Variants in FAF1 observed in about 807,000 individuals in gnomAD.
The protein encoded by FAF1 is Fas associated factor 1, also known as FAS-associated factor 1.
Under a neutral mutation model 92.5 loss-of-function variants are expected in FAF1, and 25 were observed. The ratio of observed to expected loss-of-function variants is 0.27; its 90% CI spans 0.20 to 0.38. The LOEUF (loss-of-function observed/expected upper bound fraction) is 0.38. FAF1 is among the 10% of genes least tolerant of loss of function. The pLI, the probability that FAF1 is intolerant of heterozygous loss-of-function variation, is 1.00. For synonymous variants in FAF1, 234 were observed against 273.2 expected (o/e 0.86, Z 1.42); for missense variants, 636 against 793.3 (o/e 0.80, Z 2.38).
intron 1 of FAF1, among the ~76,000 whole-genome samples, chr1:50,887,096 A>C (rs935067647): frequency 3.1e-4 from 47 of 152,190 alleles, no homozygotes; most frequent in Admixed American, 1.6e-3. Context: ...ATGGTATCTG[A>C]TTGTGGTTTT....
At chr1:50,931,245 A>C (rs868775285) in intron 1 of FAF1, among the ~76,000 whole-genome samples, 1 of 152,072 alleles carries the variant, frequency 6.6e-6, no homozygotes, top group Non-Finnish European at 1.5e-5. Flanking sequence ...TTTTGTTTTC[A>C]ATCTGTTCCA....
intron 4 of FAF1, among the ~76,000 whole-genome samples, chr1:50,752,115 G>A (rs1041296430): frequency 5.9e-5 from 9 of 151,982 alleles, no homozygotes; most frequent in Admixed American, 1.3e-4. Context: ...GACTACAGGC[G>A]CGTGCCACCA....
chr1:50,931,648 ACGAGATCAG>A (rs931928041), intron 1 of FAF1, among the ~76,000 whole-genome samples: 48 of 152,210 alleles, frequency 3.2e-4, no homozygotes, highest in African/African-American at 1.1e-3. Context: ...CGGGTGGATC[ACGAGATCAG>A]CAGGTTGAGA....
chr1:50,953,464 G>C (rs1431430303), intron 1 of FAF1, among the ~76,000 whole-genome samples: 1 of 151,962 alleles, frequency 6.6e-6, no homozygotes, highest in Non-Finnish European at 1.5e-5. Context: ...GCCAGACGCA[G>C]TGGCTCACAG....
intron 15 of FAF1, among the ~76,000 whole-genome samples, chr1:50,525,756 T>C (rs567906695): frequency 1.3e-5 from 2 of 152,312 alleles, no homozygotes; most frequent in South Asian, 2.1e-4. Flanking sequence ...GTTTTTATGA[T>C]GAAAGGGTGT....
chr1:50,753,009 G>A (rs929801409), intron 4 of FAF1, among the ~76,000 whole-genome samples: 18 of 152,018 alleles, frequency 1.2e-4, no homozygotes, highest in Non-Finnish European at 1.6e-4. Context: ...AGGTCTTAAC[G>A]GCTTCATTAA....
chr1:50,650,069 G>A (rs1332313629), intron 8 of FAF1, among the ~76,000 whole-genome samples: 1 of 151,772 alleles, frequency 6.6e-6, no homozygotes, highest in Non-Finnish European at 1.5e-5. Flanking sequence ...CGGATCACCT[G>A]AGGTCGGGAG....
At chr1:50,849,671 G>A (rs991027230) in intron 2 of FAF1, among the ~76,000 whole-genome samples, 3 of 152,026 alleles carry the variant, frequency 2.0e-5, no homozygotes, top group Non-Finnish European at 4.4e-5. Flanking sequence ...AGACTATATA[G>A]ACTACTAACC....
intron 4 of FAF1, among the ~76,000 whole-genome samples, chr1:50,760,690 A>G (rs375960999): frequency 1.1e-4 from 17 of 152,292 alleles, no homozygotes; most frequent in Admixed American, 9.2e-4. Context: ...TCAAAGCAGT[A>G]TGTAGAGGGA....
intron 8 of FAF1, among the ~76,000 whole-genome samples, chr1:50,631,044 C>A (rs1653762622): frequency 1.3e-5 from 2 of 151,988 alleles, no homozygotes; most frequent in East Asian, 1.9e-4. Context: ...CCCACCTCGG[C>A]CTCCCAAAGT....
intron 2 of FAF1, among the ~76,000 whole-genome samples, chr1:50,839,276 T>C (rs1030542976): frequency 2.1e-4 from 32 of 152,162 alleles, no homozygotes; most frequent in Non-Finnish European, 8.8e-5. Flanking sequence ...TGCATTTGGT[T>C]GCATTAGTTT....
chr1:50,767,902 T>C (rs1660638860), intron 4 of FAF1, among the ~76,000 whole-genome samples: 1 of 152,156 alleles, frequency 6.6e-6, no homozygotes, highest in Non-Finnish European at 1.5e-5. Flanking sequence ...GTCTGCATAA[T>C]AACCAGGTAA....
chr1:50,469,215 A>G (rs1208583118), intron 18 of FAF1, among the ~76,000 whole-genome samples: 1 of 152,212 alleles, frequency 6.6e-6, no homozygotes, highest in African/African-American at 2.4e-5. Flanking sequence ...AAACTTTTGA[A>G]AATAAGCCAA....
intron 7 of FAF1, among the ~76,000 whole-genome samples, chr1:50,665,315 A>G (rs1655570470): frequency 6.6e-6 from 1 of 152,216 alleles, no homozygotes; most frequent in African/African-American, 2.4e-5. Context: ...AGTCAATCTG[A>G]TACAATGTCA....
In FAF1 at chr1:50,788,242, T is replaced by C. The variant is rs773245571; in HGVS notation, c.162-37A>G. 1.3e-6 allele frequency: 2 copies of C among 1,552,268 alleles called. 1 individual carries two copies. The highest frequency in any genetic ancestry group is 2.2e-5 in the South Asian group (2 of 89,330). On this transcript the variant is annotated intron_variant, in intron 3 of 18. Transcript: ENST00000396153. ...ACATAAAAGAAGGATTATTGTCAAC[T>C]AAATCATTACAGAATACTACTAGGG...
intron 1 of FAF1, among the ~76,000 whole-genome samples, chr1:50,863,976 C>T (rs1404985856): frequency 6.6e-6 from 1 of 151,922 alleles, no homozygotes; most frequent in South Asian, 2.1e-4. Context: ...TCTAGATTTT[C>T]TAGTTTATTT....
At chr1:50,819,638 T>TCACACACA (rs375892280) in intron 2 of FAF1, among the ~76,000 whole-genome samples, 10,776 of 97,706 alleles carry the variant, frequency 0.11, 1,087 homozygotes, top group Middle Eastern at 0.15. Context: ...ACTGACTCAC[T>TCACACACA]CACACACACA....
At chr1:50,765,966 C>A (rs1660554131) in intron 4 of FAF1, among the ~76,000 whole-genome samples, 2 of 152,074 alleles carry the variant, frequency 1.3e-5, no homozygotes, top group South Asian at 4.2e-4. Flanking sequence ...GTAGCGGGTG[C>A]CTGTAATCCC....
intron 4 of FAF1, among the ~76,000 whole-genome samples, chr1:50,777,610 C>A (rs1661010272): frequency 6.6e-6 from 1 of 151,826 alleles, no homozygotes; most frequent in Non-Finnish European, 1.5e-5. Flanking sequence ...CTCAATGCAG[C>A]TAAGAAAATT....
Sources: allele counts gnomAD v4.1 joint callset (sites outside exome capture counted in the v4.1 genomes callset), GRCh38; gene constraint gnomAD v4.1.1; transcripts MANE v1.5; gene names NCBI Gene and HGNC (gene_info 2026-07-23, HGNC 2026-07-21).